Variants in RALYL observed in about 807,000 individuals in gnomAD.
RALYL encodes RNA-binding Raly-like protein.
In RALYL, 29 loss-of-function variants were observed where a neutral mutation model predicts 35.1. The ratio of observed to expected loss-of-function variants is 0.83; its 90% confidence interval spans 0.61 to 1.13. The LOEUF (loss-of-function observed/expected upper bound fraction) is 1.13. RALYL is among the 50% of genes most tolerant of loss of function. The pLI is 0.00. For missense variants in RALYL, 359 were observed against 360.4 expected (o/e 1.00, Z 0.03); for synonymous variants, 120 against 127.6 (o/e 0.94, Z 0.40).
intron 2 of RALYL, among the ~76,000 whole-genome samples, chr8:84,634,763 G>C (rs1458550535): frequency 1.3e-5 from 2 of 151,732 alleles, no homozygotes; most frequent in African/African-American, 4.8e-5. Context: ...GTCCCAGAGA[G>C]AAAGAGAACT....
Position 84,897,885 on chromosome 8 carries a change from T to G in RALYL, c.858+10109T>G, listed in dbSNP as rs1024362634. On this transcript the variant is annotated intron_variant, in intron 8 of 8. Coordinates refer to ENST00000521268, the MANE Select transcript of RALYL (RefSeq NM_173848.7). ...GAGAAGATGTTGCAACCAGAACAAA[T>G]AAGTAAAACAGTATGATAGGTAAAA... Among the ~76,000 whole-genome samples the G allele has an allele frequency of 6.6e-5, 10 of 152,100 alleles. 1 individual carries two copies. In the South Asian group the frequency reaches 1.7e-3, roughly 25 times the overall value.
intron 1 of RALYL, among the ~76,000 whole-genome samples, chr8:84,258,689 G>A (rs531973553): frequency 6.6e-6 from 1 of 152,168 alleles, no homozygotes; most frequent in East Asian, 1.9e-4. Context: ...TTGCTGTAAA[G>A]ATGATATATA....
chr8:84,767,392 G>A (rs1586086895), intron 2 of RALYL, among the ~76,000 whole-genome samples: 1 of 152,198 alleles, frequency 6.6e-6, no homozygotes, highest in African/African-American at 2.4e-5. Context: ...AACTTACTGT[G>A]AAAAGATACA....
At chr8:84,757,156 T>C (rs540299380) in intron 2 of RALYL, among the ~76,000 whole-genome samples, 1 of 152,262 alleles carries the variant, frequency 6.6e-6, no homozygotes, top group African/African-American at 2.4e-5. Flanking sequence ...AATTTAGAGA[T>C]ATTTTTGATA....
intron 1 of RALYL, among the ~76,000 whole-genome samples, chr8:84,468,495 G>A (rs1028846330): frequency 1.3e-5 from 2 of 149,726 alleles, no homozygotes; most frequent in Non-Finnish European, 3.0e-5. Context: ...GGCTTGTAGG[G>A]TTTCTGCCGA....
chr8:84,443,893 A>G (rs2048595712), intron 1 of RALYL, among the ~76,000 whole-genome samples: 1 of 152,142 alleles, frequency 6.6e-6, no homozygotes, highest in Admixed American at 6.5e-5. Flanking sequence ...TGGCAGCAAA[A>G]TGGTAGAGAA....
chr8:84,270,984 C>T (rs559586917), intron 1 of RALYL, among the ~76,000 whole-genome samples: 3 of 151,110 alleles, frequency 2.0e-5, no homozygotes, highest in South Asian at 2.1e-4. Flanking sequence ...ATTCTTAAAA[C>T]GTAGAGAATA....
intron 2 of RALYL, among the ~76,000 whole-genome samples, chr8:84,709,623 A>G (rs1034248437): frequency 6.6e-6 from 1 of 151,970 alleles, no homozygotes; most frequent in African/African-American, 2.4e-5. Context: ...TTAAAAAAAA[A>G]ACTTCATACT....
At position 84,460,104 on chromosome 8, in the gene RALYL, C is replaced by T. The variant is rs931205111; in HGVS notation, c.-23-69195C>T. On this transcript the variant is annotated intron_variant, in intron 1 of 8. Coordinates refer to ENST00000521268, the MANE Select transcript of RALYL (RefSeq NM_173848.7). ...TGTATTTGCAAGTATACAAATATACCTGGAGGTTATACACACAGGTATGAA... is the reference window on the plus strand; with the variant it reads ...TGTATTTGCAAGTATACAAATATACTTGGAGGTTATACACACAGGTATGAA... Among the ~76,000 whole-genome samples, 8 of 151,572 alleles carry T rather than the reference C, an allele frequency of 5.3e-5. No individual in the cohort carries two copies. In the South Asian group the frequency reaches 1.7e-3, roughly 31 times the overall value.
intron 1 of RALYL, among the ~76,000 whole-genome samples, chr8:84,254,746 G>GGAAAA (rs1830892340): frequency 1.6e-5 from 2 of 126,528 alleles, no homozygotes; most frequent in African/African-American, 3.1e-5. Context: ...GGTAATTTAT[G>GGAAAA]AAAAAAAAAA....
intron 1 of RALYL, among the ~76,000 whole-genome samples, chr8:84,470,491 A>T (rs2052585521): frequency 6.6e-6 from 1 of 152,020 alleles, no homozygotes. Context: ...CTGTTGCCAA[A>T]AAAAGCCTTT....
intron 8 of RALYL, among the ~76,000 whole-genome samples, chr8:84,920,559 G>C (rs28405240): frequency 9.2e-5 from 14 of 151,878 alleles, no homozygotes. Flanking sequence ...AAAGATTCAC[G>C]AGTAATTGAA....
At chr8:84,503,889 A>C (rs1284563906) in intron 1 of RALYL, among the ~76,000 whole-genome samples, 1 of 151,780 alleles carries the variant, frequency 6.6e-6, no homozygotes, top group Non-Finnish European at 1.5e-5. Context: ...AAAACAAACC[A>C]AAAATATAGA....
At chr8:84,616,718 G>T (rs1439971336) in intron 2 of RALYL, among the ~76,000 whole-genome samples, 2 of 151,066 alleles carry the variant, frequency 1.3e-5, no homozygotes, top group African/African-American at 4.9e-5. Context: ...GGTTTTTATG[G>T]TTTTAGGTCT....
At chr8:84,451,206 A>G (rs1232722023) in intron 1 of RALYL, among the ~76,000 whole-genome samples, 1 of 151,994 alleles carries the variant, frequency 6.6e-6, no homozygotes, top group Non-Finnish European at 1.5e-5. Flanking sequence ...TATTCCAACT[A>G]TATTTCTGGG....
At chr8:84,235,291 A>T (rs1826260530) in intron 1 of RALYL, among the ~76,000 whole-genome samples, 1 of 152,222 alleles carries the variant, frequency 6.6e-6, no homozygotes, top group Non-Finnish European at 1.5e-5. Context: ...AATACAGGCT[A>T]AGAAGTCAGT....
At chr8:84,218,217 G>T (rs1374558336) in intron 1 of RALYL, among the ~76,000 whole-genome samples, 1 of 151,948 alleles carries the variant, frequency 6.6e-6, no homozygotes, top group African/African-American at 2.4e-5. Flanking sequence ...AATTATGATA[G>T]GATTTAAGTC....
At chr8:84,604,150 C>T (rs1461095033) in intron 2 of RALYL, among the ~76,000 whole-genome samples, 1 of 152,074 alleles carries the variant, frequency 6.6e-6, no homozygotes, top group Non-Finnish European at 1.5e-5. Flanking sequence ...GCGCTTCTGA[C>T]AGCACAGCTT....
chr8:84,820,489 T>C (rs930593827), intron 4 of RALYL, among the ~76,000 whole-genome samples: 1 of 152,194 alleles, frequency 6.6e-6, no homozygotes, highest in Non-Finnish European at 1.5e-5. Context: ...TGTTTCCTTA[T>C]TGTTACCAGT....
Sources: allele counts gnomAD v4.1 joint callset (sites outside exome capture counted in the v4.1 genomes callset), GRCh38; gene constraint gnomAD v4.1.1; transcripts MANE v1.5; gene names NCBI Gene and HGNC (gene_info 2026-07-23, HGNC 2026-07-21).